Variants in LARP1B observed in about 807,000 individuals in gnomAD.
LARP1B encodes la-related protein 1B.
A neutral mutation model predicts 114.2 loss-of-function variants in LARP1B; 76 were observed. The observed-to-expected ratio is 0.67, with a 90% confidence interval of 0.55 to 0.81. LARP1B has a LOEUF of 0.81. LARP1B is among the 30% of genes least tolerant of loss of function. The pLI is 0.00. For synonymous variants in LARP1B, 345 were observed against 348.0 expected, an observed-to-expected ratio of 0.99 and a Z score of 0.10; for missense variants, 1,014 against 1,075.8, an observed-to-expected ratio of 0.94 and a Z score of 0.80.
chr4:128,178,035 G>GATATAT (rs35878913), intron 13 of LARP1B, among the ~76,000 whole-genome samples: 3,154 of 137,772 alleles, frequency 0.023, 62 homozygotes, highest in Admixed American at 0.041. Context: ...TTTACAAAGT[G>GATATAT]ATATATATAT....
intron 11 of LARP1B, among the ~76,000 whole-genome samples, chr4:128,136,144 T>A (rs534605161): frequency 4.0e-5 from 6 of 151,774 alleles, no homozygotes; most frequent in Admixed American, 1.3e-4. Context: ...AATACAAAAA[T>A]TAGCTGGGTG....
intron 9 of LARP1B, among the ~76,000 whole-genome samples, chr4:128,113,778 ACT>A (rs1358199095): frequency 1.1e-4 from 14 of 121,830 alleles, no homozygotes; most frequent in Middle Eastern, 5.2e-3. Flanking sequence ...TGTGACATTT[ACT>A]CTTTTTTTTT....
chr4:128,111,463 T>C (rs556373799), intron 9 of LARP1B, among the ~76,000 whole-genome samples: 42 of 151,868 alleles, frequency 2.8e-4, no homozygotes, highest in African/African-American at 1.0e-3. Context: ...GCTTTAGAGA[T>C]TGAGGTGAGA....
intron 15 of LARP1B, among the ~76,000 whole-genome samples, chr4:128,184,203 A>G (rs1046834400): frequency 6.6e-6 from 1 of 152,236 alleles, no homozygotes; most frequent in Non-Finnish European, 1.5e-5. Context: ...CTATCAGGAC[A>G]GCATCCATGC....
At chr4:128,173,766 G>A (rs1561490190) in intron 12 of LARP1B, among the ~76,000 whole-genome samples, 1 of 152,166 alleles carries the variant, frequency 6.6e-6, no homozygotes, top group Admixed American at 6.5e-5. Flanking sequence ...CAATAGTTCT[G>A]TTTGGGACTA....
chr4:128,176,285 GTATA>G (rs71587371), intron 12 of LARP1B, among the ~76,000 whole-genome samples: 33 of 138,288 alleles, frequency 2.4e-4, no homozygotes, highest in East Asian at 1.0e-3. Flanking sequence ...GTGTGTGTGT[GTATA>G]TATATATATA....
At chr4:128,136,414 G>A (rs977594767) in intron 11 of LARP1B, among the ~76,000 whole-genome samples, 4 of 151,834 alleles carry the variant, frequency 2.6e-5, no homozygotes, top group Admixed American at 1.3e-4. Flanking sequence ...GAGATAAAAA[G>A]CATTACTAGT....
intron 9 of LARP1B, 136 bp from the exon 10 acceptor site, chr4:128,114,434 C>A: frequency 1.5e-6 from 1 of 657,850 alleles, no homozygotes; most frequent in Non-Finnish European, 2.6e-6. Context: ...TTGAAAATCA[C>A]TGGAAAGCTT....
chr4:128,107,798 A>G (rs1391604893), intron 9 of LARP1B: 2 of 1,528,974 alleles, frequency 1.3e-6, no homozygotes, highest in African/African-American at 2.8e-5. Flanking sequence ...AGAATTTCCA[A>G]AAGATTTAAT....
chr4:128,082,210 C>G lies in LARP1B; in HGVS notation c.263C>G (p.Ser88Ter). 1.2e-6 allele frequency: 2 copies of G among 1,612,760 alleles called. No individual in the cohort carries two copies. Among genetic ancestry groups the G allele is most frequent in the Non-Finnish European group, 1.7e-6 (2 of 1,179,872 alleles). ...WVPLHLDVVR[S>*]ESQERPGSRN... Reference sequence around the variant, plus strand: ...CCACTCCACTTAGATGTTGTAAGATCAGAGAGTCAAGAAAGACCTGGATCC... The same window carrying G: ...CCACTCCACTTAGATGTTGTAAGATGAGAGAGTCAAGAAAGACCTGGATCC... The change falls in exon 5 of 20, where the codon TCA becomes TGA. Residue 88 changes from serine (S) to a stop codon, truncating the protein, a stop_gained. Transcript: ENST00000326639. LOFTEE classifies it high-confidence loss of function.
chr4:128,065,320 T>TTTC lies in LARP1B; in HGVS notation c.-78+3919_-78+3920insTTC, dbSNP rs1561012486. Among the ~76,000 whole-genome samples, 404 of 82,146 alleles carry TTTC rather than the reference T, an allele frequency of 4.9e-3. 5 individuals carry two copies. Among genetic ancestry groups the TTTC allele is most frequent in the Non-Finnish European group, 7.8e-3 (272 of 34,690 alleles). 53.9% of individuals were successfully genotyped at this position (82,146 alleles called of 152,430 possible). A position where few individuals can be genotyped will look rare whatever the true frequency, so the allele number is the denominator to read the frequency against. On this transcript the variant is annotated intron_variant, in intron 1 of 19. Transcript: ENST00000326639. Reference sequence around the variant, plus strand: ...TTCTTTCTTTCTTTCTTTCTTTCTCTCTCTCTCTCTCTTTCCTTTCTTTTC... The same window carrying TTTC: ...TTCTTTCTTTCTTTCTTTCTTTCTCTTTCCTCTCTCTCTCTTTCCTTTCTTTTC...
At chr4:128,123,129 G>A in intron 11 of LARP1B, 1 of 985,398 alleles carries the variant, frequency 1.0e-6, no homozygotes, top group Non-Finnish European at 1.2e-6. Flanking sequence ...TCAACAAGAA[G>A]TGTGCTAGCC....
intron 5 of LARP1B, among the ~76,000 whole-genome samples, chr4:128,088,804 A>G (rs1338351663): frequency 6.6e-6 from 1 of 152,188 alleles, no homozygotes; most frequent in African/African-American, 2.4e-5. Flanking sequence ...TTAAGGCAGA[A>G]ATGTTTGAAA....
At chr4:128,195,773 C>G (rs2150839911) in intron 15 of LARP1B, among the ~76,000 whole-genome samples, 1 of 152,204 alleles carries the variant, frequency 6.6e-6, no homozygotes, top group South Asian at 2.1e-4. Context: ...GAAGAGCAAA[C>G]TAAACCCAAA....
chr4:128,093,677 G>A (rs1179841956), intron 7 of LARP1B, among the ~76,000 whole-genome samples: 1 of 151,050 alleles, frequency 6.6e-6, no homozygotes, highest in Non-Finnish European at 1.5e-5. Flanking sequence ...AGGCCTAAAC[G>A]TATTCAAAAT....
At chr4:128,189,869 A>C (rs923088372) in intron 15 of LARP1B, among the ~76,000 whole-genome samples, 1 of 152,220 alleles carries the variant, frequency 6.6e-6, no homozygotes, top group Non-Finnish European at 1.5e-5. Context: ...GTCTTAATTT[A>C]CATCTATTTA....
rs1291677462 is a variant in LARP1B, at chr4:128,206,447, T to G, written c.2329T>G (p.Phe777Val). 6 of 1,608,084 alleles carry G rather than the reference T, an allele frequency of 3.7e-6. No individual in the cohort carries two copies. Among genetic ancestry groups the G allele is most frequent in the Non-Finnish European group, 5.1e-6 (6 of 1,177,358 alleles). ...TTATAGGTATGGGTTAGAATGTCTG[T>G]TCAGGTTTTATAGTTATGGACTGGA... is the stretch of plus-strand genomic sequence containing the variant. Reference protein sequence around the residue: ...ENYRYGLECLFRFYSYGLEKK... With the variant: ...ENYRYGLECLVRFYSYGLEKK... Residue 777 changes from phenylalanine (F) to valine (V), a missense_variant, in exon 18 of 20, where the codon TTC becomes GTC. Phe to Val is a conservative substitution (Grantham distance 50). Coordinates refer to ENST00000326639, the MANE Select transcript of LARP1B (RefSeq NM_018078.4).
At position 128,112,466 on chromosome 4, in the gene LARP1B, A is replaced by ATTTTT. The variant is rs1174266918; in HGVS notation, c.989-2083_989-2079dup. ...ACTGCATATAGCTAATGCTTACTCT[A>ATTTTT]TTTTTTTTTTTTTTTTTTTTTTTTT... On this transcript the variant is annotated intron_variant, in intron 9 of 19. Coordinates refer to ENST00000326639, the MANE Select transcript of LARP1B (RefSeq NM_018078.4). 5.6e-3 allele frequency among the ~76,000 whole-genome samples: 387 copies of ATTTTT among 69,314 alleles called. 22 individuals are homozygous for ATTTTT. Among genetic ancestry groups the ATTTTT allele is most frequent in the Non-Finnish European group, 7.0e-3 (282 of 40,546 alleles). The allele number at this position is 69,314 out of a possible 152,430, so 45.5% of individuals were successfully genotyped here.
intron 9 of LARP1B, 89 bp downstream of exon 9, chr4:128,107,402 G>T: frequency 6.5e-7 from 1 of 1,532,616 alleles, no homozygotes; most frequent in Non-Finnish European, 8.8e-7. Flanking sequence ...AGTTTATTTA[G>T]ATTTGATAGG....
Sources: allele counts gnomAD v4.1 joint callset (sites outside exome capture counted in the v4.1 genomes callset), GRCh38; gene constraint gnomAD v4.1.1; transcripts MANE v1.5; gene names NCBI Gene and HGNC (gene_info 2026-07-23, HGNC 2026-07-21).